GABRG3: variants seen among roughly 807,000 people sequenced by gnomAD.
GABRG3 encodes gamma-aminobutyric acid receptor subunit gamma-3.
A neutral mutation model predicts 48.8 loss-of-function variants in GABRG3; 25 were observed. The ratio of observed to expected loss-of-function variants is 0.51; its 90% confidence interval spans 0.37 to 0.72. The LOEUF is 0.72. Among genes scored for constraint, GABRG3 ranks in the 30% least tolerant of loss-of-function variants. GABRG3 has a pLI of 0.00. For missense variants in GABRG3, 394 were observed against 577.9 expected, an observed-to-expected ratio of 0.68 and a Z score of 3.26; for synonymous variants, 227 against 217.6, an observed-to-expected ratio of 1.04 and a Z score of -0.38.
At chr15:26,990,529 CTT>C (rs1223618839) in intron 2 of GABRG3, among the ~76,000 whole-genome samples, 2 of 152,122 alleles carry the variant, frequency 1.3e-5, no homozygotes, top group African/African-American at 4.8e-5. Flanking sequence ...CTATTAATCT[CTT>C]GTCAGATGGA....
At chr15:27,202,697 G>A (rs6606885) in intron 3 of GABRG3, among the ~76,000 whole-genome samples, 99,096 of 151,960 alleles carry the variant, frequency 0.65, 32,954 homozygotes, top group East Asian at 0.88. Context: ...GGTCATTTGA[G>A]TTCATCTTTC....
intron 3 of GABRG3, among the ~76,000 whole-genome samples, chr15:27,138,629 C>G (rs1898050394): frequency 6.6e-6 from 1 of 152,194 alleles, no homozygotes; most frequent in African/African-American, 2.4e-5. Context: ...CATCTGGACA[C>G]CTTTCTTCAC....
In GABRG3 at chr15:27,180,553, G is replaced by A. The variant is rs117497412; in HGVS notation, c.271-146256G>A. On this transcript the variant is annotated intron_variant, in intron 3 of 9. Transcript: ENST00000615808. The surrounding 1 kb of genome is among the most constrained non-coding windows in gnomAD (Gnocchi z 4.2). Reference sequence around the variant, plus strand: ...CGTATACCCTCAGGTTCAACTCATCGCTCTAACCATGTCATCCTGATTCAC... The same window carrying A: ...CGTATACCCTCAGGTTCAACTCATCACTCTAACCATGTCATCCTGATTCAC... 2.1e-3 allele frequency among the ~76,000 whole-genome samples: 321 copies of A among 152,048 alleles called. No homozygotes were observed. The highest frequency in any genetic ancestry group is 3.5e-3 in the Non-Finnish European group (236 of 67,980).
chr15:27,447,964 A>G lies in GABRG3; in HGVS notation c.575-32686A>G, dbSNP rs1888991773. On this transcript the variant is annotated intron_variant, in intron 5 of 9. Coordinates refer to ENST00000615808, the MANE Select transcript of GABRG3 (RefSeq NM_033223.5). This position sits in a 1 kb window ranked among gnomAD's most constrained non-coding sequence, Gnocchi z 4.0. ...GTGTATACCTATGTAGCAAACCTGT[A>G]TGTTCTGCACATGTATCCCAGAACT... 6.6e-6 allele frequency among the ~76,000 whole-genome samples: 1 copy of G among 152,210 alleles called. No homozygotes were observed. The highest frequency in any genetic ancestry group is 2.4e-5 in the African/African-American group (1 of 41,456).
At chr15:27,041,946 A>G (rs1312307865) in intron 3 of GABRG3, among the ~76,000 whole-genome samples, 2 of 152,206 alleles carry the variant, frequency 1.3e-5, no homozygotes, top group Non-Finnish European at 2.9e-5. Flanking sequence ...GTCTTCATGC[A>G]GATGAAGGAA....
chr15:27,254,183 G>T (rs753266630), intron 3 of GABRG3, among the ~76,000 whole-genome samples: 2 of 152,180 alleles, frequency 1.3e-5, no homozygotes, highest in Admixed American at 1.3e-4. Context: ...GCCTTCAGCG[G>T]CTCCACACAC....
At chr15:27,148,934 G>A (rs1437235124) in intron 3 of GABRG3, among the ~76,000 whole-genome samples, 1 of 151,960 alleles carries the variant, frequency 6.6e-6, no homozygotes, top group Non-Finnish European at 1.5e-5. Flanking sequence ...TTAAGATCAG[G>A]AACAAGGTAA....
At chr15:27,020,263 A>C (rs531973457) in intron 2 of GABRG3, among the ~76,000 whole-genome samples, 6 of 152,184 alleles carry the variant, frequency 3.9e-5, no homozygotes, top group Non-Finnish European at 5.9e-5. Context: ...TGCATGCCTC[A>C]TCCTCACTGC....
At chr15:27,305,615 A>T (rs1164254766) in intron 3 of GABRG3, among the ~76,000 whole-genome samples, 2 of 142,466 alleles carry the variant, frequency 1.4e-5, no homozygotes, top group African/African-American at 5.1e-5. Flanking sequence ...GTTTATATAT[A>T]AACATATATA....
At chr15:27,124,645 C>A (rs1897787618) in intron 3 of GABRG3, among the ~76,000 whole-genome samples, 1 of 152,184 alleles carries the variant, frequency 6.6e-6, no homozygotes, top group Non-Finnish European at 1.5e-5. Context: ...TGACTCAGCG[C>A]CTCTTGGCTT....
At chr15:27,261,547 T>C (rs945090614) in intron 3 of GABRG3, among the ~76,000 whole-genome samples, 1 of 149,700 alleles carries the variant, frequency 6.7e-6, no homozygotes. Context: ...TATGTATATA[T>C]ATATTTTTAA....
intron 6 of GABRG3, chr15:27,481,104 T>C (rs1305693182): frequency 7.1e-6 from 8 of 1,127,028 alleles, no homozygotes; most frequent in Non-Finnish European, 8.7e-6. Flanking sequence ...TTCTGCAAAT[T>C]TCCACGTACA....
chr15:27,531,838 T>C (rs912110061), intron 9 of GABRG3, among the ~76,000 whole-genome samples: 6 of 152,196 alleles, frequency 3.9e-5, no homozygotes, highest in African/African-American at 1.2e-4. Flanking sequence ...TGTTGTTCTC[T>C]CTCCTTTATC....
intron 3 of GABRG3, among the ~76,000 whole-genome samples, chr15:27,324,507 C>T (rs1239085825): frequency 6.6e-6 from 1 of 152,156 alleles, no homozygotes; most frequent in African/African-American, 2.4e-5. Context: ...GGAATATATT[C>T]TTTTTCCATT....
At chr15:27,027,778 A>T (rs973502796) in intron 3 of GABRG3, among the ~76,000 whole-genome samples, 15 of 152,334 alleles carry the variant, frequency 9.8e-5, no homozygotes, top group African/African-American at 3.6e-4. Flanking sequence ...TGTGCTGCAG[A>T]TGGCTGTATA....
chr15:27,216,733 C>CTTTTTTTTTTTTTTTTTT (rs200517386), intron 3 of GABRG3, among the ~76,000 whole-genome samples: 1 of 103,894 alleles, frequency 9.6e-6, no homozygotes, highest in African/African-American at 3.8e-5. Context: ...CAATTCATTT[C>CTTTTTTTTTTTTTTTTTT]TTTTTTTTTT....
At chr15:27,347,403 A>G (rs563973469) in intron 5 of GABRG3, among the ~76,000 whole-genome samples, 41 of 151,682 alleles carry the variant, frequency 2.7e-4, no homozygotes, top group South Asian at 4.2e-4. Flanking sequence ...TTCCTCCCTT[A>G]CTCCTTTTCC....
intron 5 of GABRG3, among the ~76,000 whole-genome samples, chr15:27,370,536 CCAG>C (rs560652432): frequency 1.6e-3 from 248 of 152,246 alleles, no homozygotes; most frequent in African/African-American, 5.6e-3. Flanking sequence ...GGATCCTGGT[CCAG>C]CAGACTTGGT....
intron 5 of GABRG3, chr15:27,420,683 T>A (rs1487350858): frequency 6.6e-6 from 1 of 152,186 alleles, no homozygotes; most frequent in Non-Finnish European, 1.5e-5. Context: ...TAATTTTACC[T>A]CCATAAATCT....
Sources: gnomAD v4.1 joint callset for allele counts (sites outside exome capture counted in the v4.1 genomes callset) on GRCh38, gnomAD v4.1.1 for gene constraint, Gnocchi (gnomAD v3.1) non-coding constraint, MANE v1.5 for transcripts, NCBI Gene and HGNC (gene_info 2026-07-23, HGNC 2026-07-21) for gene names.